FAM217B: variants seen among roughly 807,000 people sequenced by gnomAD.
The protein encoded by FAM217B is protein FAM217B.
For synonymous variants in FAM217B, 163 were observed against 173.0 expected (o/e 0.94, Z 0.45); for missense variants, 463 against 456.9 (o/e 1.01, Z -0.12).
At chr20:59,938,920 G>A, upstream of FAM217B, 1 of 1,085,074 alleles carries the variant, frequency 9.2e-7, no homozygotes, top group Non-Finnish European at 1.2e-6. Context: ...AATTAGGTCA[G>A]AGGACTTGGA....
chr20:59,939,758 C>T (rs2060888144), upstream of FAM217B: 5 of 1,224,672 alleles, frequency 4.1e-6, no homozygotes, highest in Non-Finnish European at 5.1e-6. Flanking sequence ...GGTCGCAGCC[C>T]GACGGCGCTG....
At chr20:59,936,899 G>C (rs1348829101), upstream of FAM217B, 2 of 151,880 alleles carry the variant, frequency 1.3e-5, no homozygotes, top group Non-Finnish European at 3.0e-5. Flanking sequence ...ATTAAAATAT[G>C]TTTGGGGGGA....
upstream of FAM217B, chr20:59,939,070 G>C (rs757041020): frequency 1.0e-5 from 16 of 1,571,318 alleles, no homozygotes; most frequent in Non-Finnish European, 1.4e-5. Flanking sequence ...CACTCCCCGC[G>C]AGGCATGTGC....
At chr20:59,938,311 C>T (rs185611500), upstream of FAM217B, 2 of 152,370 alleles carry the variant, frequency 1.3e-5, no homozygotes, top group Non-Finnish European at 2.9e-5. Context: ...AAGTCTGAAG[C>T]TTTTCCCTCC....
chr20:59,943,633 A>G (rs1201585487), intron 3 of FAM217B, among the ~76,000 whole-genome samples: 1 of 152,242 alleles, frequency 6.6e-6, no homozygotes, highest in African/African-American at 2.4e-5. Context: ...TACACACGAA[A>G]GTATGAAACA....
In FAM217B at chr20:59,946,660, C is replaced by T. The variant is rs577636524; in HGVS notation, c.*1565C>T. On this transcript the variant is annotated 3_prime_UTR_variant, in exon 4 of 4. Coordinates refer to ENST00000360816, the MANE Select transcript of FAM217B (RefSeq NM_022106.3). Reference sequence around the variant, plus strand: ...CTTAATTTTCAGACTTGTACAAGTTCCTTCTTACATTCTTTCCCTCTCACA... The same window carrying T: ...CTTAATTTTCAGACTTGTACAAGTTTCTTCTTACATTCTTTCCCTCTCACA... 1 of 167,048 alleles carries T rather than the reference C, an allele frequency of 6.0e-6. No individual in the cohort carries two copies. Among genetic ancestry groups the T allele is most frequent in the South Asian group, 2.1e-4 (1 of 4,826 alleles). 10.3% of individuals were successfully genotyped at this position (167,048 alleles called of 1,614,324 possible). A position where few individuals can be genotyped will look rare whatever the true frequency, so the allele number is the denominator to read the frequency against.
intron 3 of FAM217B, among the ~76,000 whole-genome samples, chr20:59,943,578 A>C (rs2060917177): frequency 6.6e-6 from 1 of 152,218 alleles, no homozygotes; most frequent in Non-Finnish European, 1.5e-5. Context: ...ACAATTCCAG[A>C]GTTCTACGAC....
At chr20:59,940,223 T>C (rs534023879), upstream of FAM217B, 2 of 284,222 alleles carry the variant, frequency 7.0e-6, no homozygotes, top group Non-Finnish European at 1.4e-5. Flanking sequence ...TTCTTCTTGC[T>C]TCCTTGGAGG....
chr20:59,945,417 G>A lies in FAM217B; in HGVS notation c.*322G>A, dbSNP rs539825751. The stretch of plus-strand genomic sequence containing the variant: ...CAGTGAAACCTCAGCTACAGTAGCC[G>A]GTCTGTGTAGAGCAGCTAGTGGTGT... On this transcript the variant is annotated 3_prime_UTR_variant, in exon 4 of 4. Transcript: ENST00000360816. The A allele has an allele frequency of 5.2e-4, 140 of 268,302 alleles. 1 individual carries two copies. The highest frequency in any genetic ancestry group is 2.6e-4 in the Admixed American group (5 of 19,470). 16.6% of individuals were successfully genotyped at this position (268,302 alleles called of 1,614,324 possible). A position where few individuals can be genotyped will look rare whatever the true frequency, so the allele number is the denominator to read the frequency against.
At chr20:59,938,854 C>G (rs866390870), upstream of FAM217B, 12 of 527,872 alleles carry the variant, frequency 2.3e-5, no homozygotes, top group African/African-American at 2.3e-4. Flanking sequence ...CCAAGTGACT[C>G]AGACGTTTCA....
rs946501327 is a variant in FAM217B, at chr20:59,947,283, G to A, written c.*2188G>A. On this transcript the variant is annotated 3_prime_UTR_variant, in exon 4 of 4. Coordinates refer to ENST00000360816, the MANE Select transcript of FAM217B (RefSeq NM_022106.3). ...GCACTTTGGGAGGCCGAGGCAGGCG[G>A]ATCACCTGAGGTCGGGAGTTCAAGA... 1.2e-5 allele frequency: 2 copies of A among 160,732 alleles called. No homozygotes were observed. Among genetic ancestry groups the A allele is most frequent in the African/African-American group, 2.4e-5 (1 of 41,446 alleles). 10.0% of individuals were successfully genotyped at this position (160,732 alleles called of 1,614,324 possible).
chr20:59,940,204 G>A (rs1309067724), upstream of FAM217B: 4 of 341,258 alleles, frequency 1.2e-5, no homozygotes, highest in Non-Finnish European at 2.2e-5. Flanking sequence ...GCAGGGTAGC[G>A]CCTCTTTTTT....
At chr20:59,934,222 G>C (rs984557490) in intron 1 of FAM217B, among the ~76,000 whole-genome samples, 9 of 152,248 alleles carry the variant, frequency 5.9e-5, no homozygotes, top group Non-Finnish European at 1.2e-4. Context: ...CGGAGGGCGG[G>C]AGAGACCGCA....
rs1393129252 is a variant in FAM217B at position 59,944,536 on chromosome 20, G to T, written c.593G>T (p.Cys198Phe). The part of the protein sequence containing the change: ...LEWLQVQTVQ[C>F]EKAKGGKARP... ...TGGCTGCAAGTCCAGACTGTACAGTGTGAAAAAGCAAAGGGGGGCAAAGCA... is the reference window on the plus strand; with the variant it reads ...TGGCTGCAAGTCCAGACTGTACAGTTTGAAAAAGCAAAGGGGGGCAAAGCA... The change falls in exon 4 of 4, where the codon TGT (cysteine) becomes TTT (phenylalanine). Residue 198 changes from cysteine to phenylalanine, a missense_variant. Cys to Phe is a radical substitution (Grantham distance 205). Coordinates refer to ENST00000360816, the MANE Select transcript of FAM217B (RefSeq NM_022106.3). 1 of 1,613,922 alleles carries T rather than the reference G, an allele frequency of 6.2e-7. No homozygotes were observed. The highest frequency in any genetic ancestry group is 8.5e-7 in the Non-Finnish European group (1 of 1,180,006).
intron 3 of FAM217B, among the ~76,000 whole-genome samples, chr20:59,943,328 C>A (rs1382275100): frequency 6.6e-6 from 1 of 152,140 alleles, no homozygotes; most frequent in African/African-American, 2.4e-5. Context: ...GTTCTTTAAA[C>A]ACAATTTTCC....
At chr20:59,934,842 A>T (rs757344419) in intron 1 of FAM217B, among the ~76,000 whole-genome samples, 1 of 152,246 alleles carries the variant, frequency 6.6e-6, no homozygotes. Flanking sequence ...ATCAAAGCTC[A>T]GTTGTGGACC....
exon 1 of FAM217B, chr20:59,933,813 C>CAAGGGGGACGCTGTGGGCGCGGCTCA (rs2060828828): frequency 6.7e-6 from 1 of 149,556 alleles, no homozygotes; most frequent in Non-Finnish European, 1.5e-5. Context: ...AGGCCTGAGC[C>CAAGGGGGACGCTGTGGGCGCGGCTCA]AAGGGGGACG....
At position 59,944,224 on chromosome 20, in the gene FAM217B, C is replaced by G. The variant is rs1024896817; in HGVS notation, c.281C>G (p.Ala94Gly). The G allele has an allele frequency of 1.2e-5, 19 of 1,614,186 alleles. No individual in the cohort carries two copies. The highest frequency in any genetic ancestry group is 1.6e-5 in the Non-Finnish European group (19 of 1,180,034). The part of the protein sequence containing the change: ...IIKENADEDS[A>G]SDLSDSERIP... ...AAAGAGAATGCTGATGAGGACAGTG[C>G]AAGTGATCTCTCTGATTCGGAAAGA... Residue 94 changes from alanine (A) to glycine (G), a missense_variant, in exon 4 of 4, where the codon GCA (alanine) becomes GGA (glycine). Coordinates refer to ENST00000360816, the MANE Select transcript of FAM217B (RefSeq NM_022106.3).
At chr20:59,939,175 C>A (rs567847258), upstream of FAM217B, 1 of 1,609,724 alleles carries the variant, frequency 6.2e-7, no homozygotes, top group Non-Finnish European at 8.5e-7. Context: ...GCGAAGTGCA[C>A]GCGGGAGCCG....
Sources: gnomAD v4.1 joint callset for allele counts (sites outside exome capture counted in the v4.1 genomes callset) on GRCh38, gnomAD v4.1.1 for gene constraint, MANE v1.5 for transcripts, NCBI Gene and HGNC (gene_info 2026-07-23, HGNC 2026-07-21) for gene names.